ADAMTS6: variants seen among roughly 807,000 people sequenced by gnomAD.
ADAMTS6 encodes A disintegrin and metalloproteinase with thrombospondin motifs 6.
A neutral mutation model predicts 144.3 loss-of-function variants in ADAMTS6; 23 were observed. That is an observed-to-expected ratio of 0.16 (90% CI 0.11 to 0.23). The LOEUF is 0.23. ADAMTS6 is among the 10% of genes least tolerant of loss of function. ADAMTS6 has a pLI of 1.00. For synonymous variants in ADAMTS6, 444 were observed against 457.5 expected, an observed-to-expected ratio of 0.97 and a Z score of 0.38; for missense variants, 999 against 1,379.6, an observed-to-expected ratio of 0.72 and a Z score of 4.37.
intron 7 of ADAMTS6, among the ~76,000 whole-genome samples, chr5:65,449,796 T>G (rs1294649583): frequency 6.6e-6 from 1 of 152,178 alleles, no homozygotes; most frequent in Non-Finnish European, 1.5e-5. Flanking sequence ...TTGTAGCCAG[T>G]GCAAAGAAAG....
intron 14 of ADAMTS6, among the ~76,000 whole-genome samples, chr5:65,253,467 G>A (rs971475235): frequency 4.6e-5 from 7 of 152,120 alleles, no homozygotes; most frequent in Admixed American, 3.9e-4. Flanking sequence ...GTCCTTGACT[G>A]TCAAATTAAT....
At chr5:65,264,248 T>A (rs762495632) in intron 12 of ADAMTS6, among the ~76,000 whole-genome samples, 3 of 152,200 alleles carry the variant, frequency 2.0e-5, no homozygotes, top group Non-Finnish European at 2.9e-5. Flanking sequence ...TCCATAACAC[T>A]GATCAACAGT....
In ADAMTS6 at chr5:65,214,982, AT is replaced by A. The variant is rs1561287366; in HGVS notation, c.2437-51del. 1 of 1,566,370 alleles carries A rather than the reference AT, an allele frequency of 6.4e-7. No individual in the cohort carries two copies. Among genetic ancestry groups the A allele is most frequent in the South Asian group, 1.2e-5 (1 of 83,096 alleles). On this transcript the variant is annotated intron_variant, in intron 19 of 24. Coordinates refer to ENST00000381055, the MANE Select transcript of ADAMTS6 (RefSeq NM_197941.4). The surrounding 1 kb of genome is among the most constrained non-coding windows in gnomAD (Gnocchi z 4.6). Reference sequence around the variant, plus strand: ...GACAATTAAAATACAATGAGCCTTCATTCAGATATTTATTATTCCTTTTGAA... The same window carrying A: ...GACAATTAAAATACAATGAGCCTTCATCAGATATTTATTATTCCTTTTGAA...
chr5:65,156,996 C>T (rs1752461143), intron 24 of ADAMTS6, among the ~76,000 whole-genome samples: 1 of 152,256 alleles, frequency 6.6e-6, no homozygotes, highest in Non-Finnish European at 1.5e-5. Flanking sequence ...TTACCCAGGA[C>T]TAGAGACTTC....
chr5:65,280,902 C>A (rs1246216105), intron 11 of ADAMTS6, among the ~76,000 whole-genome samples: 1 of 152,240 alleles, frequency 6.6e-6, no homozygotes, highest in Non-Finnish European at 1.5e-5. Flanking sequence ...GTTCTATATA[C>A]AGAAGAATCT....
chr5:65,163,497 T>C (rs1187400188), intron 24 of ADAMTS6, among the ~76,000 whole-genome samples: 1 of 152,228 alleles, frequency 6.6e-6, no homozygotes, highest in East Asian at 1.9e-4. Context: ...TTTGCAAAGA[T>C]GCAAGGTGTC....
intron 4 of ADAMTS6, among the ~76,000 whole-genome samples, chr5:65,457,448 T>G (rs16893841): frequency 0.039 from 5,955 of 152,202 alleles, 411 homozygotes; most frequent in African/African-American, 0.14. Context: ...AAGTGCAGAA[T>G]TTTATGATAG....
intron 7 of ADAMTS6, among the ~76,000 whole-genome samples, chr5:65,388,580 G>A (rs1752661167): frequency 6.6e-6 from 1 of 152,182 alleles, no homozygotes; most frequent in Admixed American, 6.5e-5. Flanking sequence ...TCATCTGCAA[G>A]ATTAGATCTG....
chr5:65,302,185 T>A (rs1160135877), intron 9 of ADAMTS6, among the ~76,000 whole-genome samples: 1 of 144,400 alleles, frequency 6.9e-6, no homozygotes, highest in African/African-American at 2.5e-5. Context: ...TATACATATA[T>A]TATATATTTA....
chr5:65,193,972 A>AT (rs1257552489), intron 21 of ADAMTS6, among the ~76,000 whole-genome samples: 1 of 152,188 alleles, frequency 6.6e-6, no homozygotes, highest in Non-Finnish European at 1.5e-5. Flanking sequence ...ATGCCTCTGT[A>AT]TACATAGAAA....
chr5:65,209,398 CT>C (rs1756338373), intron 20 of ADAMTS6, among the ~76,000 whole-genome samples: 1 of 152,176 alleles, frequency 6.6e-6, no homozygotes, highest in South Asian at 2.1e-4. Flanking sequence ...GGATTTCTCT[CT>C]GAGGAAGAGT....
At chr5:65,475,377 G>A (rs1163180291) in intron 1 of ADAMTS6, among the ~76,000 whole-genome samples, 2 of 152,168 alleles carry the variant, frequency 1.3e-5, no homozygotes, top group African/African-American at 4.8e-5. Flanking sequence ...GTCCTACTAT[G>A]TTTAAAAGAT....
intron 9 of ADAMTS6, among the ~76,000 whole-genome samples, chr5:65,311,739 T>C (rs1189186748): frequency 6.6e-6 from 1 of 152,072 alleles, no homozygotes; most frequent in African/African-American, 2.4e-5. Context: ...TCTTATTGGT[T>C]CTGTTGGGAG....
intron 14 of ADAMTS6, among the ~76,000 whole-genome samples, chr5:65,244,708 A>T (rs1759481415): frequency 6.6e-6 from 1 of 152,154 alleles, no homozygotes; most frequent in Non-Finnish European, 1.5e-5. Flanking sequence ...CAATGAAGTA[A>T]ACTGGGGTAC....
At chr5:65,284,971 A>G (rs1416176803) in intron 11 of ADAMTS6, among the ~76,000 whole-genome samples, 1 of 152,130 alleles carries the variant, frequency 6.6e-6, no homozygotes, top group East Asian at 1.9e-4. Context: ...TACCTATAAA[A>G]GTAAGGACAT....
intron 7 of ADAMTS6, among the ~76,000 whole-genome samples, chr5:65,442,995 C>A (rs1407472457): frequency 6.6e-6 from 1 of 152,158 alleles, no homozygotes; most frequent in Non-Finnish European, 1.5e-5. Flanking sequence ...CATGTCCCTG[C>A]AAAAGACATA....
At chr5:65,376,589 T>A (rs756696151) in intron 7 of ADAMTS6, among the ~76,000 whole-genome samples, 1 of 152,166 alleles carries the variant, frequency 6.6e-6, no homozygotes. Flanking sequence ...CCCAGAACTT[T>A]GGGAGGCCAA....
At chr5:65,451,427 GTGAATA>G in intron 7 of ADAMTS6, 42 bp downstream of exon 7, 1 of 1,605,246 alleles carries the variant, frequency 6.2e-7, no homozygotes, top group Non-Finnish European at 8.5e-7. Flanking sequence ...TATTACAATA[GTGAATA>G]AACACAACAA....
At chr5:65,227,011 T>C (rs1757778320) in intron 15 of ADAMTS6, among the ~76,000 whole-genome samples, 1 of 152,254 alleles carries the variant, frequency 6.6e-6, no homozygotes, top group Non-Finnish European at 1.5e-5. Flanking sequence ...ATATGGTAGT[T>C]ATAAAATAAA....
Sources: gnomAD v4.1 joint callset for allele counts (sites outside exome capture counted in the v4.1 genomes callset) on GRCh38, gnomAD v4.1.1 for gene constraint, Gnocchi (gnomAD v3.1) non-coding constraint, MANE v1.5 for transcripts, NCBI Gene and HGNC (gene_info 2026-07-23, HGNC 2026-07-21) for gene names.